The following TEX2 variants were observed in gnomAD, a reference collection of about 807,000 sequenced individuals.
TEX2 encodes the protein testis expressed 2, also known as testis-expressed protein 2.
A neutral mutation model predicts 106.9 loss-of-function variants in TEX2; 53 were observed. The observed-to-expected ratio is 0.50, with a 90% CI of 0.40 to 0.62. The LOEUF (loss-of-function observed/expected upper bound fraction) is 0.62, where lower values mean the gene tolerates loss of function less well. TEX2 is among the 20% of genes least tolerant of loss of function. The pLI is 0.00. For synonymous variants in TEX2, 523 were observed against 534.8 expected (o/e 0.98, Z 0.30); for missense variants, 1,207 against 1,379.0 (o/e 0.88, Z 1.98).
chr17:64,213,482 G>T lies in TEX2; in HGVS notation c.736C>A (p.Leu246Met), dbSNP rs782138059. ...KPPDSKLNLH[L>M]FKQFTQPRNT... ...CGGGGCTGTGTGAACTGCTTGAACA[G>T]GTGTAAGTTCAGTTTGGAATCAGGT... Residue 246 changes from leucine to methionine, a missense_variant, in exon 2 of 12, where the codon CTG (leucine) becomes ATG (methionine). Coordinates refer to ENST00000584379, the MANE Select transcript of TEX2 (RefSeq NM_001288732.2). The surrounding 1 kb of genome is among the most constrained non-coding windows in gnomAD (Gnocchi z 4.4). The T allele has an allele frequency of 1.2e-6, 2 of 1,614,194 alleles. No individual in the cohort carries two copies. The highest frequency in any genetic ancestry group is 1.7e-6 in the Non-Finnish European group (2 of 1,180,028).
chr17:64,216,429 G>C (rs781838008), intron 1 of TEX2, among the ~76,000 whole-genome samples: 2 of 152,188 alleles, frequency 1.3e-5, no homozygotes, highest in Non-Finnish European at 2.9e-5. Flanking sequence ...GATATGTAAG[G>C]CTCTGCTGTT....
chr17:64,211,835 G>A (rs1555631587), intron 2 of TEX2, among the ~76,000 whole-genome samples: 1 of 152,060 alleles, frequency 6.6e-6, no homozygotes, highest in South Asian at 2.1e-4. Context: ...ATTTTAATAT[G>A]CAAAAAAATA....
intron 7 of TEX2, among the ~76,000 whole-genome samples, chr17:64,166,963 C>T (rs1263280953): frequency 2.6e-5 from 4 of 152,094 alleles, no homozygotes; most frequent in Non-Finnish European, 5.9e-5. Context: ...GAAAGGAAAT[C>T]CATATATATC....
intron 6 of TEX2, among the ~76,000 whole-genome samples, chr17:64,176,657 A>C (rs894747760): frequency 1.3e-5 from 2 of 152,214 alleles, no homozygotes; most frequent in Non-Finnish European, 2.9e-5. Flanking sequence ...ACACAGTTCA[A>C]ACTCACTTCC....
chr17:64,163,776 C>T (rs775927189), intron 7 of TEX2, among the ~76,000 whole-genome samples: 2 of 152,190 alleles, frequency 1.3e-5, no homozygotes, highest in African/African-American at 2.4e-5. Context: ...AATGAGCACA[C>T]GGGGACATAC....
At chr17:64,260,712 T>G (rs35048108) in intron 1 of TEX2, among the ~76,000 whole-genome samples, 12,469 of 152,238 alleles carry the variant, frequency 0.082, 596 homozygotes, top group Non-Finnish European at 0.11. Context: ...TATACTAGTC[T>G]TCTGCCTTGG....
At chr17:64,207,974 T>C (rs2032886327) in intron 2 of TEX2, among the ~76,000 whole-genome samples, 2 of 152,132 alleles carry the variant, frequency 1.3e-5, no homozygotes. Flanking sequence ...GACCTCGTGA[T>C]CCACCCGCCT....
Position 64,213,450 on chromosome 17 carries a change from T to A in TEX2, c.768A>T (p.Thr256=), listed in dbSNP as rs139526156. Residue 256 remains threonine (T), a synonymous_variant, in exon 2 of 12, where the codon ACA becomes ACT. Transcript: ENST00000584379. This position sits in a 1 kb window ranked among gnomAD's most constrained non-coding sequence, Gnocchi z 4.4. ...LFKQFTQPRN[T]GGDSKTAPSS... ...AAGGTGCAGTTTTGGAATCTCCACCTGTGTTTCGGGGCTGTGTGAACTGCT... is the reference window on the plus strand; with the variant it reads ...AAGGTGCAGTTTTGGAATCTCCACCAGTGTTTCGGGGCTGTGTGAACTGCT... 3 of 1,614,168 alleles carry A rather than the reference T, an allele frequency of 1.9e-6. No individual in the cohort carries two copies. In the African/African-American group the frequency reaches 4.0e-5, roughly 22 times the overall value.
chr17:64,255,090 T>A lies in TEX2; in HGVS notation c.-26+8078A>T, dbSNP rs1471278020. The stretch of plus-strand genomic sequence containing the variant: ...TATGTTGCCTAGGCTGGTCTCAAAC[T>A]CTTGGCCTCAAGTGATCCTCCACTT... On this transcript the variant is annotated intron_variant, in intron 1 of 11. Coordinates refer to ENST00000584379, the MANE Select transcript of TEX2 (RefSeq NM_001288732.2). 7.5e-5 allele frequency among the ~76,000 whole-genome samples: 11 copies of A among 146,416 alleles called. No homozygotes were observed. In the Admixed American group the frequency reaches 7.8e-4, roughly 10 times the overall value.
intron 7 of TEX2, among the ~76,000 whole-genome samples, chr17:64,168,427 T>C (rs1173990700): frequency 6.6e-6 from 1 of 152,210 alleles, no homozygotes; most frequent in East Asian, 1.9e-4. Context: ...AGGAGTTAAA[T>C]AGCCTCAAAT....
chr17:64,226,684 C>T (rs191646612), intron 1 of TEX2, among the ~76,000 whole-genome samples: 172 of 152,154 alleles, frequency 1.1e-3, no homozygotes, highest in Non-Finnish European at 1.1e-3. Flanking sequence ...GGAAACAAAC[C>T]GATGAAATAA....
intron 1 of TEX2, among the ~76,000 whole-genome samples, chr17:64,218,559 C>T (rs1273199537): frequency 6.6e-6 from 1 of 152,076 alleles, no homozygotes; most frequent in Non-Finnish European, 1.5e-5. Context: ...GCTGGGACTA[C>T]AGACGCCCGC....
intron 1 of TEX2, among the ~76,000 whole-genome samples, chr17:64,250,788 C>G (rs1406338481): frequency 3.9e-5 from 6 of 152,110 alleles, no homozygotes; most frequent in African/African-American, 1.4e-4. Flanking sequence ...CTCAAGCAAT[C>G]CTCCCACCTC....
In TEX2 at chr17:64,212,578, A is replaced by G. The variant is rs1394600225; in HGVS notation, c.1640T>C (p.Leu547Pro). 1 of 1,612,564 alleles carries G rather than the reference A, an allele frequency of 6.2e-7. No homozygotes were observed. Among genetic ancestry groups the G allele is most frequent in the Non-Finnish European group, 8.5e-7 (1 of 1,179,060 alleles). ...RSLDIKEPEI[L>P]KGWMNEIYNY... ...AGCTCCCGGGGAGAGGCTTACCTTCAGTATTTCAGGTTCTTTGATATCCAG... is the reference window on the plus strand; with the variant it reads ...AGCTCCCGGGGAGAGGCTTACCTTCGGTATTTCAGGTTCTTTGATATCCAG... Residue 547 changes from leucine (L) to proline (P), a missense_variant, in exon 2 of 12, where the codon CTG becomes CCG. Physicochemically the swap from Leu to Pro is moderately conservative, Grantham distance 98. This residue lies in a region of TEX2 where 1,067 missense variants were observed against 1,193.6 expected (regional missense o/e 0.89). Coordinates refer to ENST00000584379, the MANE Select transcript of TEX2 (RefSeq NM_001288732.2).
intron 2 of TEX2, among the ~76,000 whole-genome samples, chr17:64,196,497 C>G (rs1450285279): frequency 1.3e-5 from 2 of 152,062 alleles, no homozygotes; most frequent in Non-Finnish European, 2.9e-5. Context: ...CTCCCTCCTC[C>G]CAAAGAATGA....
intron 1 of TEX2, among the ~76,000 whole-genome samples, chr17:64,261,340 C>G (rs980298391): frequency 6.6e-6 from 1 of 152,168 alleles, no homozygotes; most frequent in Non-Finnish European, 1.5e-5. Flanking sequence ...TTGTCCAAAA[C>G]ATGCTACGTA....
At position 64,213,654 on chromosome 17, in the gene TEX2, G is replaced by C; in HGVS notation, c.564C>G (p.Phe188Leu). Residue 188 changes from phenylalanine (F) to leucine (L), a missense_variant, in exon 2 of 12, where the codon TTC becomes TTG. Around this residue, in one of 3 missense-constraint regions of TEX2, gnomAD observed 1,067 missense variants for 1,193.6 expected, o/e 0.89. Coordinates refer to ENST00000584379, the MANE Select transcript of TEX2 (RefSeq NM_001288732.2). This position sits in a 1 kb window ranked among gnomAD's most constrained non-coding sequence, Gnocchi z 4.4. ...STSTLSSAKP[F>L]MSLVKSLSTE... ...TCGACAGGGACTTCACAAGGCTCAT[G>C]AAGGGTTTTGCACTGGAAAGGGTGG... The C allele has an allele frequency of 1.2e-6, 2 of 1,614,176 alleles. No homozygotes were observed. Among genetic ancestry groups the C allele is most frequent in the Non-Finnish European group, 1.7e-6 (2 of 1,180,034 alleles).
intron 6 of TEX2, among the ~76,000 whole-genome samples, chr17:64,175,042 T>C (rs1174169038): frequency 6.6e-5 from 10 of 152,228 alleles, no homozygotes; most frequent in Admixed American, 5.9e-4. Flanking sequence ...CTCCTCTAGA[T>C]ACCACTTCCC....
intron 1 of TEX2, among the ~76,000 whole-genome samples, chr17:64,253,766 C>T (rs2034135904): frequency 6.6e-6 from 1 of 152,206 alleles, no homozygotes; most frequent in Non-Finnish European, 1.5e-5. Flanking sequence ...AAAGCACAGG[C>T]TGAACAAACT....
Sources: allele counts gnomAD v4.1 joint callset (sites outside exome capture counted in the v4.1 genomes callset), GRCh38; gene constraint gnomAD v4.1.1; regional missense constraint gnomAD v4.1.1; non-coding constraint Gnocchi (gnomAD v3.1); transcripts MANE v1.5; gene names NCBI Gene and HGNC (gene_info 2026-07-23, HGNC 2026-07-21).